PDE4D: variants seen among roughly 807,000 people sequenced by gnomAD.
The protein encoded by PDE4D is phosphodiesterase 4D.
In PDE4D, 24 loss-of-function variants were observed where a neutral mutation model predicts 87.4. The observed-to-expected ratio is 0.27, with a 90% CI of 0.20 to 0.39. The LOEUF (loss-of-function observed/expected upper bound fraction) is 0.39. Ranked by LOEUF, PDE4D falls within the 10% of genes least tolerant of loss-of-function variation. PDE4D has a pLI of 1.00. For missense variants in PDE4D, 714 were observed against 1,041.0 expected (o/e 0.69, Z 4.32); for synonymous variants, 384 against 383.2 (o/e 1.00, Z -0.02).
chr5:59,456,375 C>T (rs1799928516), intron 1 of PDE4D, among the ~76,000 whole-genome samples: 1 of 152,178 alleles, frequency 6.6e-6, no homozygotes, highest in Non-Finnish European at 1.5e-5. Context: ...TCTTTGCTTG[C>T]TGCCATCCAT....
At chr5:59,007,775 A>C (rs1158761604) in intron 6 of PDE4D, among the ~76,000 whole-genome samples, 1 of 152,092 alleles carries the variant, frequency 6.6e-6, no homozygotes, top group Non-Finnish European at 1.5e-5. Flanking sequence ...CTGCTTTTTT[A>C]AAACCAAATA....
At chr5:59,805,618 G>A (rs542761854) in intron 1 of PDE4D, among the ~76,000 whole-genome samples, 74 of 152,326 alleles carry the variant, frequency 4.9e-4, no homozygotes, top group African/African-American at 1.7e-3. Context: ...AAGATGTGTT[G>A]GATGTTGGGG....
At chr5:60,100,297 T>C (rs1187076794) in intron 2 of PDE4D, among the ~76,000 whole-genome samples, 1 of 151,952 alleles carries the variant, frequency 6.6e-6, no homozygotes, top group Non-Finnish European at 1.5e-5. Flanking sequence ...TTCTCATAGA[T>C]GGGGAACAGG....
intron 2 of PDE4D, among the ~76,000 whole-genome samples, chr5:60,091,982 C>T (rs34097246): frequency 0.16 from 20,291 of 130,102 alleles, 1,447 homozygotes; most frequent in Middle Eastern, 0.26. Flanking sequence ...ACCCGGGAGG[C>T]GGAGCTTGCA....
Position 59,321,741 on chromosome 5 carries a change from G to A in PDE4D, c.456-105773C>T, listed in dbSNP as rs189710665. Among the ~76,000 whole-genome samples, 8 of 152,244 alleles carry A rather than the reference G, an allele frequency of 5.3e-5. No homozygotes were observed. In the South Asian group the frequency reaches 1.2e-3, roughly 24 times the overall value. On this transcript the variant is annotated intron_variant, in intron 1 of 14. Coordinates refer to ENST00000340635, the MANE Select transcript of PDE4D (RefSeq NM_001104631.2). ...GCACAGAAGCCACAGAATGAAAGGA[G>A]AGCAAGTGCTGAGTGTAATATGGGA...
At chr5:60,342,577 C>G (rs1758405292) in intron 1 of PDE4D, among the ~76,000 whole-genome samples, 1 of 152,050 alleles carries the variant, frequency 6.6e-6, no homozygotes. Flanking sequence ...TTTATTATTA[C>G]TTAGTTGGGA....
chr5:59,513,288 T>A (rs929052374), intron 1 of PDE4D, among the ~76,000 whole-genome samples: 1 of 152,196 alleles, frequency 6.6e-6, no homozygotes, highest in Admixed American at 6.5e-5. Flanking sequence ...AGCTTAGAAA[T>A]ATTTTGCAAC....
At chr5:60,501,816 G>A (rs865903445) in intron 1 of PDE4D, among the ~76,000 whole-genome samples, 32 of 152,284 alleles carry the variant, frequency 2.1e-4, no homozygotes, top group Middle Eastern at 3.4e-3. Flanking sequence ...AGAAGTGTCT[G>A]TTCGTGTCCT....
intron 5 of PDE4D, among the ~76,000 whole-genome samples, chr5:59,150,830 A>T (rs566308363): frequency 2.6e-5 from 4 of 152,146 alleles, no homozygotes; most frequent in Non-Finnish European, 5.9e-5. Context: ...GAGAAAAAAA[A>T]ATTTTTAAAT....
chr5:59,727,524 G>A (rs1348315251), intron 1 of PDE4D, among the ~76,000 whole-genome samples: 3 of 151,994 alleles, frequency 2.0e-5, no homozygotes, highest in Non-Finnish European at 4.4e-5. Flanking sequence ...TCTGGTCTGA[G>A]AATTTGTTTC....
chr5:59,193,707 T>C, intron 2 of PDE4D, 171 bp from the exon 3 acceptor site: 1 of 985,386 alleles, frequency 1.0e-6, no homozygotes, highest in Non-Finnish European at 1.2e-6. Flanking sequence ...AAAATATGTC[T>C]TCTGGGATGT....
intron 1 of PDE4D, among the ~76,000 whole-genome samples, chr5:59,428,125 T>C (rs1582554841): frequency 1.3e-5 from 2 of 152,288 alleles, no homozygotes; most frequent in South Asian, 4.1e-4. Flanking sequence ...CATGTGGTCA[T>C]GTGTCTAATC....
In PDE4D at chr5:60,052,707, C is replaced by T. The variant is rs568648506; in HGVS notation, c.43-63990G>A. Among the ~76,000 whole-genome samples, 25 of 151,938 alleles carry T rather than the reference C, an allele frequency of 1.6e-4. No homozygotes were observed. The South Asian group carries it at 2.7e-3, about 16-fold the overall frequency. ...TGGCCAGGGCAATCAGGCAAGAGAA[C>T]GAAATAAAGGATATTCAGATAGAAA... On this transcript the variant is annotated intron_variant, in intron 2 of 16. Coordinates refer to the PDE4D transcript ENST00000502484.
chr5:59,572,753 T>A (rs1822091254), intron 1 of PDE4D, among the ~76,000 whole-genome samples: 1 of 152,260 alleles, frequency 6.6e-6, no homozygotes, highest in South Asian at 2.1e-4. Context: ...GTGCTGGGAT[T>A]ACAGGCGTGA....
At chr5:59,599,905 C>T (rs898127549) in intron 1 of PDE4D, among the ~76,000 whole-genome samples, 1 of 152,152 alleles carries the variant, frequency 6.6e-6, no homozygotes, top group Non-Finnish European at 1.5e-5. Flanking sequence ...TGAATTAGTG[C>T]CATCGTAAGA....
At chr5:59,201,683 G>A (rs1002704108) in intron 2 of PDE4D, among the ~76,000 whole-genome samples, 1 of 152,104 alleles carries the variant, frequency 6.6e-6, no homozygotes. Context: ...AAATTAAGCA[G>A]TACATCTATT....
chr5:59,689,376 T>C (rs1220321921), intron 1 of PDE4D, among the ~76,000 whole-genome samples: 1 of 152,168 alleles, frequency 6.6e-6, no homozygotes, highest in Admixed American at 6.6e-5. Flanking sequence ...TCCACCATGA[T>C]CAAGTGGGCT....
intron 1 of PDE4D, among the ~76,000 whole-genome samples, chr5:59,281,156 C>G (rs986122200): frequency 2.6e-5 from 4 of 152,118 alleles, no homozygotes. Context: ...ATTTAGAACT[C>G]TTCCATCTTC....
chr5:60,471,393 G>T (rs2150193064), intron 1 of PDE4D, among the ~76,000 whole-genome samples: 1 of 152,300 alleles, frequency 6.6e-6, no homozygotes, highest in South Asian at 2.1e-4. Flanking sequence ...TAAGGATTTA[G>T]AATATTACAT....
Sources: allele counts gnomAD v4.1 joint callset (sites outside exome capture counted in the v4.1 genomes callset), GRCh38; gene constraint gnomAD v4.1.1; transcripts MANE v1.5; gene names NCBI Gene and HGNC (gene_info 2026-07-23, HGNC 2026-07-21).